LOC128092253: variants seen among roughly 807,000 people sequenced by gnomAD.
the LOC128092253 span, among the ~76,000 whole-genome samples, chr6:133,973,795 A>G: frequency 6.6e-6 from 1 of 152,146 alleles, no homozygotes; most frequent in Non-Finnish European, 1.5e-5. Context: ...TTTTTTTATG[A>G]GAAGATATTT....
chr6:133,977,354 A>T, the LOC128092253 span, among the ~76,000 whole-genome samples: 2 of 152,210 alleles, frequency 1.3e-5, no homozygotes, highest in African/African-American at 4.8e-5. Flanking sequence ...TAAGTTGCTG[A>T]AATGATGAAA....
the LOC128092253 span, among the ~76,000 whole-genome samples, chr6:133,967,676 T>C: frequency 1.3e-5 from 2 of 152,176 alleles, no homozygotes; most frequent in Non-Finnish European, 1.5e-5. Flanking sequence ...AGTATTTGGG[T>C]ATCTAAACAT....
chr6:133,978,193 G>A, the LOC128092253 span, among the ~76,000 whole-genome samples: 1 of 152,138 alleles, frequency 6.6e-6, no homozygotes, highest in African/African-American at 2.4e-5. Flanking sequence ...CTCAGTAACT[G>A]GGCTCTAATG....
the LOC128092253 span, among the ~76,000 whole-genome samples, chr6:133,954,919 C>T: frequency 6.6e-6 from 1 of 152,108 alleles, no homozygotes; most frequent in Non-Finnish European, 1.5e-5. Context: ...CAGGCGTTTT[C>T]ATCTTAAGCT....
chr6:133,959,223 A>C, the LOC128092253 span, among the ~76,000 whole-genome samples: 1 of 152,052 alleles, frequency 6.6e-6, no homozygotes, highest in East Asian at 1.9e-4. Flanking sequence ...TATTTTTAGT[A>C]GATGCAGGGT....
the LOC128092253 span, among the ~76,000 whole-genome samples, chr6:133,956,070 A>G: frequency 6.6e-6 from 1 of 152,206 alleles, no homozygotes; most frequent in African/African-American, 2.4e-5. Context: ...TTGAGTGAAC[A>G]TGAGGACTGT....
the LOC128092253 span, among the ~76,000 whole-genome samples, chr6:133,977,826 G>T: frequency 1.3e-5 from 2 of 152,306 alleles, no homozygotes; most frequent in South Asian, 4.1e-4. Flanking sequence ...CATCCTCATT[G>T]TCTCGTGGTG....
chr6:133,974,536 T>G, the LOC128092253 span, among the ~76,000 whole-genome samples: 1 of 152,278 alleles, frequency 6.6e-6, no homozygotes, highest in South Asian at 2.1e-4. Context: ...ACCGTGTTGG[T>G]CAGGCTGGTC....
chr6:133,974,519 G>A, the LOC128092253 span, among the ~76,000 whole-genome samples: 1 of 152,104 alleles, frequency 6.6e-6, no homozygotes, highest in Non-Finnish European at 1.5e-5. Flanking sequence ...TTTTTAGACG[G>A]GGTTTCACCG....
the LOC128092253 span, among the ~76,000 whole-genome samples, chr6:133,978,695 G>C: frequency 6.6e-6 from 1 of 152,176 alleles, no homozygotes; most frequent in African/African-American, 2.4e-5. Context: ...TTGATACACA[G>C]AATTGAATGC....
chr6:133,968,330 A>G, the LOC128092253 span, among the ~76,000 whole-genome samples: 5 of 152,338 alleles, frequency 3.3e-5, no homozygotes, highest in East Asian at 9.6e-4. Context: ...TGAAATATTA[A>G]GAAATCTATC....
chr6:133,976,936 C>G, the LOC128092253 span, among the ~76,000 whole-genome samples: 1 of 150,560 alleles, frequency 6.6e-6, no homozygotes, highest in Non-Finnish European at 1.5e-5. Flanking sequence ...TCACAGCCCT[C>G]CAGCCTGGGC....
chr6:133,977,715 C>T, the LOC128092253 span, among the ~76,000 whole-genome samples: 36 of 152,204 alleles, frequency 2.4e-4, no homozygotes, highest in Admixed American at 2.4e-3. Context: ...ACTGATTTTT[C>T]TCTCATACTC....
At chr6:133,973,726 A>G in the LOC128092253 span, among the ~76,000 whole-genome samples, 1 of 152,210 alleles carries the variant, frequency 6.6e-6, no homozygotes, top group South Asian at 2.1e-4. Context: ...TCTATGATGT[A>G]TTTTAATAGA....
the LOC128092253 span, among the ~76,000 whole-genome samples, chr6:133,954,541 A>G: frequency 7.9e-5 from 12 of 152,346 alleles, no homozygotes; most frequent in South Asian, 4.1e-4. Flanking sequence ...GTCTTACATC[A>G]CAAGCTGCTT....
chr6:133,956,398 C>T, the LOC128092253 span, among the ~76,000 whole-genome samples: 1 of 152,050 alleles, frequency 6.6e-6, no homozygotes, highest in Non-Finnish European at 1.5e-5. Flanking sequence ...TTTTTGTGCA[C>T]TTGTAGGTAG....
the LOC128092253 span, among the ~76,000 whole-genome samples, chr6:133,961,602 G>A: frequency 2.3e-4 from 35 of 151,630 alleles, no homozygotes; most frequent in African/African-American, 7.5e-4. Flanking sequence ...TGGGTAGCTG[G>A]GATTACAGGT....
chr6:133,962,404 T>G, the LOC128092253 span, among the ~76,000 whole-genome samples: 1 of 152,154 alleles, frequency 6.6e-6, no homozygotes, highest in Non-Finnish European at 1.5e-5. Flanking sequence ...TTGCTTTGGA[T>G]GCAGAAAAGA....
the LOC128092253 span, among the ~76,000 whole-genome samples, chr6:133,970,750 A>C: frequency 6.6e-6 from 1 of 151,998 alleles, no homozygotes; most frequent in Non-Finnish European, 1.5e-5. Flanking sequence ...ACAGGCATGC[A>C]CCACCATACC....
Sources: allele counts gnomAD v4.1 joint callset (sites outside exome capture counted in the v4.1 genomes callset), GRCh38; gene constraint gnomAD v4.1.1; transcripts MANE v1.5.